SLC25A21: variants seen among roughly 807,000 people sequenced by gnomAD.
The protein encoded by SLC25A21 is mitochondrial 2-oxodicarboxylate carrier.
A neutral mutation model predicts 43.8 loss-of-function variants in SLC25A21; 47 were observed. The observed-to-expected ratio is 1.07, with a 90% CI of 0.85 to 1.37. SLC25A21 has a LOEUF of 1.37. Among genes scored for constraint, SLC25A21 ranks in the 40% most tolerant of loss-of-function variants. The pLI is 0.00. For missense variants in SLC25A21, 352 were observed against 350.2 expected (o/e 1.00, Z -0.04); for synonymous variants, 131 against 121.3 (o/e 1.08, Z -0.52).
At chr14:37,056,215 G>T (rs890054636) in intron 1 of SLC25A21, among the ~76,000 whole-genome samples, 3 of 152,132 alleles carry the variant, frequency 2.0e-5, no homozygotes, top group African/African-American at 7.2e-5. Flanking sequence ...TCTCGGCCGG[G>T]CGCTGTGGCT....
At chr14:37,024,673 T>C (rs1961056622) in intron 1 of SLC25A21, among the ~76,000 whole-genome samples, 1 of 152,038 alleles carries the variant, frequency 6.6e-6, no homozygotes, top group South Asian at 2.1e-4. Context: ...TTATTATTTA[T>C]AGTGAACATA....
intron 1 of SLC25A21, among the ~76,000 whole-genome samples, chr14:37,171,124 G>T (rs1235489166): frequency 7.2e-6 from 1 of 139,850 alleles, no homozygotes; most frequent in Non-Finnish European, 1.6e-5. Context: ...GGGAGGGGAG[G>T]GGAGGGGAGG....
chr14:36,755,715 A>G (rs1315621715), intron 3 of SLC25A21, among the ~76,000 whole-genome samples: 1 of 152,238 alleles, frequency 6.6e-6, no homozygotes, highest in Non-Finnish European at 1.5e-5. Context: ...TATCAACATA[A>G]GAGGAATCAA....
At chr14:36,733,641 A>G (rs542497312) in intron 4 of SLC25A21, among the ~76,000 whole-genome samples, 21 of 152,296 alleles carry the variant, frequency 1.4e-4, no homozygotes, top group African/African-American at 4.8e-4. Flanking sequence ...CTGCGAATAC[A>G]TTTCACACAC....
chr14:36,796,821 C>T (rs752965941), intron 3 of SLC25A21, among the ~76,000 whole-genome samples: 5 of 152,134 alleles, frequency 3.3e-5, no homozygotes, highest in African/African-American at 7.2e-5. Flanking sequence ...TCGGCTTTGT[C>T]GGAAGATAAA....
intron 2 of SLC25A21, among the ~76,000 whole-genome samples, chr14:36,862,115 T>G (rs1479240518): frequency 6.6e-6 from 1 of 152,144 alleles, no homozygotes; most frequent in Admixed American, 6.5e-5. Context: ...AAACAACACA[T>G]GCTGGAGAGG....
At chr14:36,774,384 G>A (rs1342350756) in intron 3 of SLC25A21, among the ~76,000 whole-genome samples, 1 of 152,166 alleles carries the variant, frequency 6.6e-6, no homozygotes. Context: ...TATTCCATGT[G>A]ACATTGCAGA....
intron 2 of SLC25A21, among the ~76,000 whole-genome samples, chr14:36,825,154 GC>G (rs1282418274): frequency 6.6e-6 from 1 of 152,134 alleles, no homozygotes; most frequent in African/African-American, 2.4e-5. Context: ...ATTCCATGGG[GC>G]TTACTTATTT....
intron 2 of SLC25A21, among the ~76,000 whole-genome samples, chr14:36,873,606 TTCTTTC>T (rs1280216512): frequency 6.6e-6 from 1 of 152,174 alleles, no homozygotes; most frequent in Non-Finnish European, 1.5e-5. Flanking sequence ...CCTGGTTTTC[TTCTTTC>T]TCTTTGAGTT....
At chr14:36,869,993 C>T (rs1400950500) in intron 2 of SLC25A21, among the ~76,000 whole-genome samples, 1 of 152,040 alleles carries the variant, frequency 6.6e-6, no homozygotes, top group East Asian at 1.9e-4. Context: ...GAAGACATTG[C>T]AATTAACAAT....
intron 1 of SLC25A21, among the ~76,000 whole-genome samples, chr14:36,892,455 A>G (rs769029824): frequency 1.1e-4 from 17 of 152,180 alleles, no homozygotes; most frequent in Non-Finnish European, 1.8e-4. Flanking sequence ...CATAAAAAGA[A>G]GGAAATCCTG....
rs182641938 is a variant in SLC25A21 at position 37,140,974 on chromosome 14, C to T, written c.70+31307G>A. On this transcript the variant is annotated intron_variant, in intron 1 of 9. Coordinates refer to ENST00000331299, the MANE Select transcript of SLC25A21 (RefSeq NM_030631.4). ...CCAACCTTGCCACATGGCGAAATTCCGTCTCTACAAATAACACAAAAATTA... is the reference window on the plus strand; with the variant it reads ...CCAACCTTGCCACATGGCGAAATTCTGTCTCTACAAATAACACAAAAATTA... 4.3e-4 allele frequency among the ~76,000 whole-genome samples: 65 copies of T among 152,174 alleles called. 1 individual carries two copies. The East Asian group carries it at 0.012, about 28-fold the overall frequency.
At chr14:36,709,164 TGCCCA>T (rs1883719879) in intron 7 of SLC25A21, among the ~76,000 whole-genome samples, 1 of 152,126 alleles carries the variant, frequency 6.6e-6, no homozygotes, top group Non-Finnish European at 1.5e-5. Flanking sequence ...TGTGCCATGA[TGCCCA>T]GCTAATTTTT....
intron 7 of SLC25A21, among the ~76,000 whole-genome samples, chr14:36,697,009 C>T (rs958844284): frequency 2.6e-4 from 39 of 152,178 alleles, no homozygotes; most frequent in Non-Finnish European, 3.7e-4. Flanking sequence ...GTTAGGGTGT[C>T]GATTTTAGAT....
In SLC25A21 at chr14:36,993,171, T is replaced by A. The variant is rs184682835; in HGVS notation, c.71-118167A>T. On this transcript the variant is annotated intron_variant, in intron 1 of 9. Transcript: ENST00000331299. Reference sequence around the variant, plus strand: ...ATCTAATTAATACTGCTATTTTCTATAGAATCATATTACTGCAAGCTACAA... The same window carrying A: ...ATCTAATTAATACTGCTATTTTCTAAAGAATCATATTACTGCAAGCTACAA... 1.7e-4 allele frequency among the ~76,000 whole-genome samples: 26 copies of A among 152,298 alleles called. No individual in the cohort carries two copies. The East Asian group carries it at 4.4e-3, about 26-fold the overall frequency.
intron 1 of SLC25A21, among the ~76,000 whole-genome samples, chr14:37,078,794 A>G (rs959995637): frequency 6.6e-6 from 1 of 151,968 alleles, no homozygotes; most frequent in Non-Finnish European, 1.5e-5. Flanking sequence ...TTATGTTCAT[A>G]AAGTTTTAGC....
chr14:37,127,621 A>G (rs1276215174), intron 1 of SLC25A21, among the ~76,000 whole-genome samples: 1 of 152,218 alleles, frequency 6.6e-6, no homozygotes, highest in Non-Finnish European at 1.5e-5. Flanking sequence ...TTACTTGTAT[A>G]AGCATAAAAT....
chr14:36,711,583 T>C (rs1048660878), intron 6 of SLC25A21, 101 bp from the exon 7 acceptor site: 6 of 1,303,572 alleles, frequency 4.6e-6, no homozygotes, highest in African/African-American at 4.4e-5. Context: ...TATTAGGGAC[T>C]TTTTTCCCCC....
At chr14:36,841,321 T>C (rs1418763153) in intron 2 of SLC25A21, among the ~76,000 whole-genome samples, 4 of 152,216 alleles carry the variant, frequency 2.6e-5, no homozygotes, top group African/African-American at 9.6e-5. Context: ...TCCAATTCTA[T>C]AAGAATTGCT....
Sources: allele counts gnomAD v4.1 joint callset (sites outside exome capture counted in the v4.1 genomes callset), GRCh38; gene constraint gnomAD v4.1.1; transcripts MANE v1.5; gene names NCBI Gene and HGNC (gene_info 2026-07-23, HGNC 2026-07-21).